Variants in ESRRG observed in about 807,000 individuals in gnomAD.
The protein encoded by ESRRG is estrogen-related receptor gamma.
A neutral mutation model predicts 44.0 loss-of-function variants in ESRRG; 13 were observed. The observed-to-expected ratio is 0.30, with a 90% CI of 0.19 to 0.47. The LOEUF (loss-of-function observed/expected upper bound fraction) is 0.47, where lower values mean the gene tolerates loss of function less well. Among genes scored for constraint, ESRRG ranks in the 20% least tolerant of loss-of-function variants. ESRRG has a pLI of 1.00. For missense variants in ESRRG, 395 were observed against 580.6 expected, an observed-to-expected ratio of 0.68 and a Z score of 3.29; for synonymous variants, 215 against 214.6, an observed-to-expected ratio of 1.00 and a Z score of -0.02.
At chr1:217,022,334 G>A (rs1406882352) in intron 1 of ESRRG, among the ~76,000 whole-genome samples, 3 of 152,308 alleles carry the variant, frequency 2.0e-5, no homozygotes, top group African/African-American at 7.2e-5. Context: ...TAGGCGGGTG[G>A]AAGGGTTGCT....
chr1:217,021,225 G>T (rs1412553973), intron 1 of ESRRG, among the ~76,000 whole-genome samples: 1 of 152,166 alleles, frequency 6.6e-6, no homozygotes, highest in Non-Finnish European at 1.5e-5. Context: ...GGGACTAGCT[G>T]GTTGCCCAGT....
intron 6 of ESRRG, among the ~76,000 whole-genome samples, chr1:216,518,621 G>A (rs2045122815): frequency 1.3e-5 from 2 of 152,186 alleles, no homozygotes; most frequent in South Asian, 2.1e-4. Context: ...CAGTTCGAAT[G>A]TAAAGACCAG....
At chr1:216,891,193 C>T (rs766256266) in intron 2 of ESRRG, among the ~76,000 whole-genome samples, 11 of 152,156 alleles carry the variant, frequency 7.2e-5, no homozygotes, top group Non-Finnish European at 1.6e-4. Context: ...TATAAATTCA[C>T]ATGCAAATTT....
At chr1:217,126,299 T>C (rs1240410666) in intron 1 of ESRRG, among the ~76,000 whole-genome samples, 1 of 152,234 alleles carries the variant, frequency 6.6e-6, no homozygotes, top group African/African-American at 2.4e-5. Context: ...GCCTAACAGA[T>C]ACTTAACACA....
intron 1 of ESRRG, among the ~76,000 whole-genome samples, chr1:216,680,163 G>A (rs531355838): frequency 1.6e-4 from 25 of 152,304 alleles, no homozygotes; most frequent in Non-Finnish European, 3.2e-4. Flanking sequence ...CTTTTGCCCA[G>A]TGGAAATAAT....
intron 3 of ESRRG, among the ~76,000 whole-genome samples, chr1:216,620,100 G>T (rs1356891837): frequency 6.6e-6 from 1 of 152,058 alleles, no homozygotes; most frequent in African/African-American, 2.4e-5. Flanking sequence ...TAATAGCAAA[G>T]AATATAGTGT....
rs559790906 is a variant in ESRRG, at chr1:216,799,889, A to G, written c.-13-122398T>C. On this transcript the variant is annotated intron_variant, in intron 2 of 7. Coordinates refer to the ESRRG transcript ENST00000359162. The stretch of plus-strand genomic sequence containing the variant: ...TCTCATTAGTCAGTAATTTGGGATT[A>G]TCACTTATGTAGCCTTAGAACCATG... 3.9e-5 allele frequency among the ~76,000 whole-genome samples: 6 copies of G among 152,322 alleles called. No individual in the cohort carries two copies. In the South Asian group the frequency reaches 1.2e-3, roughly 32 times the overall value.
chr1:217,058,908 A>G (rs1246683877), intron 1 of ESRRG, among the ~76,000 whole-genome samples: 2 of 149,146 alleles, frequency 1.3e-5, no homozygotes, highest in Non-Finnish European at 3.0e-5. Flanking sequence ...AATATAGAAT[A>G]AACTATATAA....
At chr1:216,582,543 C>A (rs569066465) in intron 3 of ESRRG, among the ~76,000 whole-genome samples, 1 of 152,094 alleles carries the variant, frequency 6.6e-6, no homozygotes, top group Non-Finnish European at 1.5e-5. Flanking sequence ...CAGGTTCCAG[C>A]GATTCTCTTG....
At chr1:216,988,542 T>C (rs1480231236) in intron 1 of ESRRG, among the ~76,000 whole-genome samples, 1 of 152,198 alleles carries the variant, frequency 6.6e-6, no homozygotes, top group East Asian at 1.9e-4. Flanking sequence ...GGACTCATTC[T>C]TAATTTCTGT....
intron 1 of ESRRG, among the ~76,000 whole-genome samples, chr1:217,061,113 C>T (rs2088373611): frequency 6.6e-6 from 1 of 151,786 alleles, no homozygotes; most frequent in Non-Finnish European, 1.5e-5. Flanking sequence ...ATTATCTATC[C>T]AGGGGGATTT....
chr1:216,553,153 T>C (rs1470465600), intron 5 of ESRRG, among the ~76,000 whole-genome samples: 5 of 152,020 alleles, frequency 3.3e-5, no homozygotes, highest in Admixed American at 2.6e-4. Flanking sequence ...GAAGAGTTAG[T>C]TTCTCCAGGA....
intron 1 of ESRRG, among the ~76,000 whole-genome samples, chr1:217,118,746 C>T (rs748210878): frequency 6.6e-6 from 1 of 152,110 alleles, no homozygotes; most frequent in Non-Finnish European, 1.5e-5. Context: ...AATCTCAGCA[C>T]TGTGAGAGGC....
intron 5 of ESRRG, among the ~76,000 whole-genome samples, chr1:216,549,984 G>T (rs181429907): frequency 3.3e-3 from 500 of 152,230 alleles, no homozygotes; most frequent in Non-Finnish European, 4.5e-3. Flanking sequence ...GACTGCAACA[G>T]CCGTGCGGAA....
At chr1:216,860,138 G>A (rs983407375) in intron 2 of ESRRG, among the ~76,000 whole-genome samples, 1 of 152,146 alleles carries the variant, frequency 6.6e-6, no homozygotes, top group Non-Finnish European at 1.5e-5. Flanking sequence ...GGTGGCACAT[G>A]TCTGTAATCC....
At chr1:216,970,652 C>T (rs2071449524) in intron 1 of ESRRG, among the ~76,000 whole-genome samples, 1 of 152,160 alleles carries the variant, frequency 6.6e-6, no homozygotes, top group African/African-American at 2.4e-5. Context: ...CAGAAACTCA[C>T]AGTTCACTGT....
intron 2 of ESRRG, among the ~76,000 whole-genome samples, chr1:216,796,251 T>G (rs938981485): frequency 1.3e-5 from 2 of 152,170 alleles, no homozygotes; most frequent in Admixed American, 6.5e-5. Context: ...CAGGAAAGCA[T>G]GTACACCCTT....
chr1:216,835,469 A>C (rs1228727155), intron 2 of ESRRG, among the ~76,000 whole-genome samples: 1 of 152,242 alleles, frequency 6.6e-6, no homozygotes, highest in Non-Finnish European at 1.5e-5. Flanking sequence ...GGTATTGGCC[A>C]GCCTGTTACA....
chr1:216,833,743 G>A (rs2095521474), intron 2 of ESRRG, among the ~76,000 whole-genome samples: 2 of 152,168 alleles, frequency 1.3e-5, no homozygotes, highest in Non-Finnish European at 2.9e-5. Context: ...ATATATCACT[G>A]TTCATCTGAA....
Sources: gnomAD v4.1 joint callset for allele counts (sites outside exome capture counted in the v4.1 genomes callset) on GRCh38, gnomAD v4.1.1 for gene constraint, MANE v1.5 for transcripts, NCBI Gene and HGNC (gene_info 2026-07-23, HGNC 2026-07-21) for gene names.